LRP1B: variants seen among roughly 807,000 people sequenced by gnomAD.
LRP1B encodes LDL receptor related protein 1B.
A neutral mutation model predicts 556.6 loss-of-function variants in LRP1B; 217 were observed. The ratio of observed to expected loss-of-function variants is 0.39; its 90% confidence interval spans 0.35 to 0.44. LRP1B has a LOEUF of 0.44. Among genes scored for constraint, LRP1B ranks in the 20% least tolerant of loss-of-function variants. LRP1B has a pLI of 1.00. For missense variants in LRP1B, 5,053 were observed against 5,620.8 expected, an observed-to-expected ratio of 0.90 and a Z score of 3.23; for synonymous variants, 2,047 against 1,865.8, an observed-to-expected ratio of 1.10 and a Z score of -2.50.
At chr2:140,728,169 C>T (rs1687658111) in intron 35 of LRP1B, among the ~76,000 whole-genome samples, 1 of 151,926 alleles carries the variant, frequency 6.6e-6, no homozygotes, top group East Asian at 1.9e-4. Flanking sequence ...AAAAAAAAAT[C>T]CATTTTCTGG....
Position 140,323,929 on chromosome 2 carries a change from C to T in LRP1B, c.12478G>A (p.Gly4160Ser). 1 of 1,580,236 alleles carries T rather than the reference C, an allele frequency of 6.3e-7. No individual in the cohort carries two copies. The highest frequency in any genetic ancestry group is 8.7e-7 in the Non-Finnish European group (1 of 1,150,906). ...TTATAACGATGAGATATCAAAACACCTTTTGTTTTATCAATATTTAAAGCT... is the reference window on the plus strand; with the variant it reads ...TTATAACGATGAGATATCAAAACACTTTTTGTTTTATCAATATTTAAAGCT... The part of the protein sequence containing the change: ...YLALNIDKTK[G>S]VLISHRYKQL... The change falls in exon 81 of 91, where the codon GGT becomes AGT. Residue 4160 changes from glycine to serine, a missense_variant. By Grantham distance (56) the Gly-to-Ser change is moderately conservative (BLOSUM62 0). Transcript: ENST00000389484.
intron 3 of LRP1B, among the ~76,000 whole-genome samples, chr2:141,430,860 C>T (rs758873995): frequency 2.3e-4 from 35 of 151,962 alleles, no homozygotes; most frequent in Non-Finnish European, 3.4e-4. Flanking sequence ...CTGGGTGTGA[C>T]GGCTCATGCC....
chr2:140,701,179 T>C (rs1372133635), intron 40 of LRP1B, among the ~76,000 whole-genome samples: 1 of 151,892 alleles, frequency 6.6e-6, no homozygotes, highest in African/African-American at 2.4e-5. Context: ...TATTATAACT[T>C]CCTTTGATAC....
At chr2:140,963,553 A>C (rs963677306) in intron 18 of LRP1B, among the ~76,000 whole-genome samples, 5 of 152,212 alleles carry the variant, frequency 3.3e-5, no homozygotes, top group African/African-American at 1.2e-4. Flanking sequence ...ATCTGTCAGC[A>C]TCATAAAGAC....
At chr2:140,708,326 A>T (rs1017749303) in intron 37 of LRP1B, among the ~76,000 whole-genome samples, 1 of 151,854 alleles carries the variant, frequency 6.6e-6, no homozygotes, top group African/African-American at 2.4e-5. Flanking sequence ...CTTCAAAATT[A>T]TTTAACTTAT....
chr2:142,076,175 A>G (rs971357075), intron 1 of LRP1B, among the ~76,000 whole-genome samples: 1 of 152,100 alleles, frequency 6.6e-6, no homozygotes, highest in Non-Finnish European at 1.5e-5. Context: ...GAAGATATAT[A>G]TTCAGTTGAT....
intron 3 of LRP1B, among the ~76,000 whole-genome samples, chr2:141,266,183 G>A (rs892004826): frequency 2.0e-5 from 3 of 152,058 alleles, no homozygotes; most frequent in Non-Finnish European, 4.4e-5. Context: ...AATTTGCCGG[G>A]GGTGATGGCA....
At chr2:140,551,858 G>A (rs1029265150) in intron 43 of LRP1B, among the ~76,000 whole-genome samples, 1 of 152,104 alleles carries the variant, frequency 6.6e-6, no homozygotes, top group African/African-American at 2.4e-5. Flanking sequence ...TTATCAGTAA[G>A]AGCTAACATT....
intron 43 of LRP1B, among the ~76,000 whole-genome samples, chr2:140,565,946 C>CGAAA (rs1458427535): frequency 6.6e-6 from 1 of 152,142 alleles, no homozygotes; most frequent in East Asian, 1.9e-4. Context: ...CTCACAGGCA[C>CGAAA]GAAGCCCAGC....
chr2:142,059,260 A>G (rs1366547097), intron 1 of LRP1B, among the ~76,000 whole-genome samples: 5 of 152,146 alleles, frequency 3.3e-5, no homozygotes, highest in Admixed American at 6.6e-5. Flanking sequence ...ACTAAAAGTC[A>G]TAATGACAAT....
chr2:140,309,304 A>T (rs1170505153), intron 83 of LRP1B, among the ~76,000 whole-genome samples: 1 of 151,814 alleles, frequency 6.6e-6, no homozygotes, highest in Non-Finnish European at 1.5e-5. Context: ...ATATGCTTCA[A>T]ATTATAGGTC....
intron 1 of LRP1B, among the ~76,000 whole-genome samples, chr2:141,987,981 T>C (rs764268923): frequency 2.0e-5 from 3 of 151,956 alleles, no homozygotes; most frequent in Admixed American, 6.6e-5. Context: ...ATCCCTTAAC[T>C]TTCATTTCCT....
chr2:140,760,842 T>C (rs1688895888), intron 35 of LRP1B, among the ~76,000 whole-genome samples: 2 of 151,990 alleles, frequency 1.3e-5, no homozygotes, highest in South Asian at 2.1e-4. Flanking sequence ...TGAGCTGAGA[T>C]CACACCATCG....
At chr2:141,979,436 G>T (rs73963406) in intron 1 of LRP1B, among the ~76,000 whole-genome samples, 1 of 151,984 alleles carries the variant, frequency 6.6e-6, no homozygotes. Context: ...TCATTTTGTC[G>T]CATTTGGATG....
chr2:140,287,773 C>G (rs935808318), intron 84 of LRP1B, among the ~76,000 whole-genome samples: 1 of 151,760 alleles, frequency 6.6e-6, no homozygotes, highest in East Asian at 1.9e-4. Flanking sequence ...GTGAAGCAAC[C>G]CCTGCTACAC....
chr2:141,777,841 G>A lies in LRP1B; in HGVS notation c.205+32438C>T, dbSNP rs1205518183. Among the ~76,000 whole-genome samples the A allele has an allele frequency of 4.6e-5, 7 of 152,080 alleles. No individual in the cohort carries two copies. The East Asian group carries it at 1.3e-3, about 29-fold the overall frequency. On this transcript the variant is annotated intron_variant, in intron 2 of 90. Coordinates refer to ENST00000389484, the MANE Select transcript of LRP1B (RefSeq NM_018557.3). Reference sequence around the variant, plus strand: ...GGCTAAAGACTTGATATTCAAAAATGGAAGTTCGTTTACTTTTATGATGTA... The same window carrying A: ...GGCTAAAGACTTGATATTCAAAAATAGAAGTTCGTTTACTTTTATGATGTA...
chr2:142,051,540 C>A (rs934066127), intron 1 of LRP1B, among the ~76,000 whole-genome samples: 17 of 151,512 alleles, frequency 1.1e-4, no homozygotes, highest in African/African-American at 4.1e-4. Flanking sequence ...TACAGTGGCG[C>A]GATCTTGGCT....
At chr2:140,237,491 G>A (rs1680760222) in intron 89 of LRP1B, among the ~76,000 whole-genome samples, 1 of 150,734 alleles carries the variant, frequency 6.6e-6, no homozygotes, top group Non-Finnish European at 1.5e-5. Flanking sequence ...TACTTATTAT[G>A]TATCAATTAA....
intron 77 of LRP1B, among the ~76,000 whole-genome samples, chr2:140,345,225 A>T (rs531641551): frequency 1.3e-5 from 2 of 151,814 alleles, no homozygotes; most frequent in African/African-American, 4.8e-5. Context: ...GTAGGAAATC[A>T]TACCTACTTG....
Sources: gnomAD v4.1 joint callset for allele counts (sites outside exome capture counted in the v4.1 genomes callset) on GRCh38, gnomAD v4.1.1 for gene constraint, MANE v1.5 for transcripts, NCBI Gene and HGNC (gene_info 2026-07-23, HGNC 2026-07-21) for gene names.